NUMBL: variants seen among roughly 807,000 people sequenced by gnomAD.
NUMBL encodes the protein numb-like protein.
Under a neutral mutation model 48.9 loss-of-function variants are expected in NUMBL, and 20 were observed. That is an observed-to-expected ratio of 0.41 (90% confidence interval 0.29 to 0.59). NUMBL has a LOEUF of 0.59. Among genes scored for constraint, NUMBL ranks in the 20% least tolerant of loss-of-function variants. The pLI, the probability that NUMBL is intolerant of heterozygous loss-of-function variation, is 0.31. For missense variants in NUMBL, 660 were observed against 846.2 expected, an observed-to-expected ratio of 0.78 and a Z score of 2.73; for synonymous variants, 340 against 348.7, an observed-to-expected ratio of 0.98 and a Z score of 0.28.
At chr19:40,675,510 AAATTAATT>A (rs71173670) in intron 7 of NUMBL, among the ~76,000 whole-genome samples, 1 of 147,328 alleles carries the variant, frequency 6.8e-6, no homozygotes, top group Non-Finnish European at 1.5e-5. Flanking sequence ...ATAAATAAAT[AAATTAATT>A]AATTAATAAA....
chr19:40,680,431 T>C (rs762976471), intron 6 of NUMBL, among the ~76,000 whole-genome samples: 25 of 148,114 alleles, frequency 1.7e-4, no homozygotes, highest in Middle Eastern at 3.5e-3. Flanking sequence ...ATTACAGGCG[T>C]GAGCCACCAC....
intron 6 of NUMBL, 73 bp downstream of exon 6, chr19:40,680,843 AG>A: frequency 2.6e-6 from 4 of 1,529,634 alleles, no homozygotes; most frequent in Non-Finnish European, 2.7e-6. Flanking sequence ...GCCTGAATGC[AG>A]GAAGCTTGTA....
At chr19:40,690,437 C>G in intron 1 of NUMBL, 23 bp downstream of exon 1, 1 of 1,236,514 alleles carries the variant, frequency 8.1e-7, no homozygotes. Flanking sequence ...CCGACCCGAG[C>G]CCCCCTCTCC....
intron 6 of NUMBL, among the ~76,000 whole-genome samples, chr19:40,679,936 A>G (rs2081896337): frequency 1.3e-5 from 2 of 152,092 alleles, no homozygotes; most frequent in African/African-American, 4.8e-5. Context: ...AATGCCATTG[A>G]ATTGTACACT....
At position 40,666,429 on chromosome 19, in the gene NUMBL, T is replaced by G. The variant is rs1052856461; in HGVS notation, c.*1039A>C. On this transcript the variant is annotated 3_prime_UTR_variant, in exon 10 of 10. Coordinates refer to ENST00000252891, the MANE Select transcript of NUMBL (RefSeq NM_004756.5). ...TGCTGGGATTACAGGCGTGAGCCACTGTGCCCAGCCAGCAGTTCATAATAT... is the reference window on the plus strand; with the variant it reads ...TGCTGGGATTACAGGCGTGAGCCACGGTGCCCAGCCAGCAGTTCATAATAT... 7 of 152,274 alleles carry G rather than the reference T, an allele frequency of 4.6e-5. No homozygotes were observed. Among genetic ancestry groups the G allele is most frequent in the African/African-American group, 1.4e-4 (6 of 41,450 alleles). The allele number at this position is 152,274 out of a possible 1,614,324, so 9.4% of individuals were successfully genotyped here.
chr19:40,683,133 T>G (rs978534479), intron 3 of NUMBL, 165 bp from the exon 4 acceptor site: 4 of 675,274 alleles, frequency 5.9e-6, no homozygotes, highest in Non-Finnish European at 1.1e-5. Flanking sequence ...ACCCCATTCC[T>G]GGTCTAGACA....
In NUMBL at chr19:40,682,859, CT is replaced by C; in HGVS notation, c.324+34del. On this transcript the variant is annotated intron_variant, in intron 4 of 9. Transcript: ENST00000252891. This position sits in a 1 kb window ranked among gnomAD's most constrained non-coding sequence, Gnocchi z 4.0. The stretch of plus-strand genomic sequence containing the variant: ...GTCAGGGTGCCTCTCCCTGTCTGAC[CT>C]TGCCCCCTCCCTCATGGCAGCCCCC... 3.1e-6 allele frequency: 5 copies of C among 1,614,086 alleles called. No homozygotes were observed. The highest frequency in any genetic ancestry group is 4.2e-6 in the Non-Finnish European group (5 of 1,179,978).
intron 1 of NUMBL, among the ~76,000 whole-genome samples, chr19:40,689,745 A>G (rs2081953735): frequency 6.6e-6 from 1 of 152,090 alleles, no homozygotes; most frequent in Non-Finnish European, 1.5e-5. Context: ...AGCCCTGGGG[A>G]CAAAGGGGGT....
chr19:40,670,970 T>A (rs890971246), intron 8 of NUMBL, among the ~76,000 whole-genome samples: 7 of 152,118 alleles, frequency 4.6e-5, no homozygotes, highest in South Asian at 2.1e-4. Flanking sequence ...GTTTCTTTTT[T>A]AAAAATATTT....
At chr19:40,669,847 G>A (rs368468103) in intron 9 of NUMBL, 51 bp downstream of exon 9, 1 of 1,593,876 alleles carries the variant, frequency 6.3e-7, no homozygotes, top group Non-Finnish European at 8.5e-7. Context: ...TAGAGGAGGG[G>A]ATACAGGAGG....
chr19:40,668,027 G>A lies in NUMBL; in HGVS notation c.1271C>T (p.Ala424Val). The part of the protein sequence containing the change: ...ERWLEEVSQV[A>V]KAQQQQQQQQ... ...CTGCTGCTGCTGCTGCTGGGCCTTGGCCACCTGTGACACCTCCTCCAGCCA... is the reference window on the plus strand; with the variant it reads ...CTGCTGCTGCTGCTGCTGGGCCTTGACCACCTGTGACACCTCCTCCAGCCA... The change falls in exon 10 of 10, where the codon GCC becomes GTC. Residue 424 changes from alanine (A) to valine (V), a missense_variant. Around this residue, in one of 3 missense-constraint regions of NUMBL, gnomAD observed 296 missense variants for 339.7 expected, o/e 0.87. Coordinates refer to ENST00000252891, the MANE Select transcript of NUMBL (RefSeq NM_004756.5). 3 of 1,573,836 alleles carry A rather than the reference G, an allele frequency of 1.9e-6. No individual in the cohort carries two copies. Among genetic ancestry groups the A allele is most frequent in the Non-Finnish European group, 2.6e-6 (3 of 1,159,922 alleles).
At chr19:40,690,269 G>A in intron 1 of NUMBL, 191 bp downstream of exon 1, 1 of 374,608 alleles carries the variant, frequency 2.7e-6, no homozygotes, top group Non-Finnish European at 4.7e-6. Context: ...AGATGGCCCA[G>A]GGGTCTGTGC....
intron 6 of NUMBL, 67 bp from the exon 7 acceptor site, chr19:40,677,488 GGGTTATAGCCGCTA>G: frequency 6.8e-7 from 1 of 1,460,542 alleles, no homozygotes; most frequent in East Asian, 2.3e-5. Context: ...CAGGGGCACT[GGGTTATAGCCGCTA>G]GGTACTGGGT....
chr19:40,690,635 C>G lies in NUMBL; in HGVS notation c.-152G>C, dbSNP rs952836740. 36 of 385,702 alleles carry G rather than the reference C, an allele frequency of 9.3e-5. No individual in the cohort carries two copies. Among genetic ancestry groups the G allele is most frequent in the Non-Finnish European group, 1.5e-4 (34 of 226,798 alleles). The allele number at this position is 385,702 out of a possible 1,614,324, so 23.9% of individuals were successfully genotyped here. A position where few individuals can be genotyped will look rare whatever the true frequency, so the allele number is the denominator to read the frequency against. On this transcript the variant is annotated 5_prime_UTR_variant, in exon 1 of 10. Coordinates refer to ENST00000252891, the MANE Select transcript of NUMBL (RefSeq NM_004756.5). ...CGGGATGCACGCGCGCGAGCCTCCT[C>G]GGCTCCCGGGAGGATTCCGTTCCGG...
In NUMBL at chr19:40,687,362, C is replaced by A. The variant is rs538901724; in HGVS notation, c.25-367G>T. Reference sequence around the variant, plus strand: ...CCACAGCTTTACACACTTGGTTACACATAGACGCAATCACAGCTACACACC... The same window carrying A: ...CCACAGCTTTACACACTTGGTTACAAATAGACGCAATCACAGCTACACACC... On this transcript the variant is annotated intron_variant, in intron 1 of 9. Transcript: ENST00000252891. The surrounding 1 kb of genome is among the most constrained non-coding windows in gnomAD (Gnocchi z 4.6). Among the ~76,000 whole-genome samples, 1 of 152,188 alleles carries A rather than the reference C, an allele frequency of 6.6e-6. No individual in the cohort carries two copies. The highest frequency in any genetic ancestry group is 2.4e-5 in the African/African-American group (1 of 41,450).
intron 6 of NUMBL, 29 bp downstream of exon 6, chr19:40,680,888 A>G (rs2081901745): frequency 6.2e-7 from 1 of 1,613,476 alleles, no homozygotes; most frequent in African/African-American, 1.3e-5. Context: ...CATGGGAGGG[A>G]AGAGTTGGCC....
At chr19:40,680,881 G>A in intron 6 of NUMBL, 36 bp downstream of exon 6, 1 of 1,612,816 alleles carries the variant, frequency 6.2e-7, no homozygotes, top group Non-Finnish European at 8.5e-7. Context: ...GCCAGGGCAT[G>A]GGAGGGAAGA....
chr19:40,680,873 C>T, intron 6 of NUMBL, 44 bp downstream of exon 6: 1 of 1,611,048 alleles, frequency 6.2e-7, no homozygotes, highest in Non-Finnish European at 8.5e-7. Flanking sequence ...GCTGGGATGC[C>T]AGGGCATGGG....
chr19:40,684,694 G>A (rs957521800), intron 2 of NUMBL, 138 bp from the exon 3 acceptor site: 6 of 1,199,818 alleles, frequency 5.0e-6, no homozygotes, highest in Non-Finnish European at 6.8e-6. Flanking sequence ...TCAGTTGGCA[G>A]CGCACATGGG....
Sources: gnomAD v4.1 joint callset for allele counts (sites outside exome capture counted in the v4.1 genomes callset) on GRCh38, gnomAD v4.1.1 for gene constraint, gnomAD v4.1.1 regional missense constraint, Gnocchi (gnomAD v3.1) non-coding constraint, MANE v1.5 for transcripts, NCBI Gene and HGNC (gene_info 2026-07-23, HGNC 2026-07-21) for gene names.